Variants in CADM2 observed in about 807,000 individuals in gnomAD.
CADM2 encodes the protein cell adhesion molecule 2.
A neutral mutation model predicts 49.8 loss-of-function variants in CADM2; 12 were observed. The ratio of observed to expected loss-of-function variants is 0.24; its 90% CI spans 0.15 to 0.39. CADM2 has a LOEUF of 0.39. Ranked by LOEUF, CADM2 falls within the 10% of genes least tolerant of loss-of-function variation. The pLI, the probability that CADM2 is intolerant of heterozygous loss-of-function variation, is 1.00. For synonymous variants in CADM2, 214 were observed against 175.4 expected (o/e 1.22, Z -1.74); for missense variants, 378 against 492.3 (o/e 0.77, Z 2.20).
At chr3:85,709,128 CAT>C (rs757306728) in intron 1 of CADM2, among the ~76,000 whole-genome samples, 2 of 152,046 alleles carry the variant, frequency 1.3e-5, no homozygotes, top group Non-Finnish European at 2.9e-5. Context: ...TCTCTAAACA[CAT>C]GTTATAAACT....
chr3:85,158,034 A>G (rs1427416259), intron 1 of CADM2, among the ~76,000 whole-genome samples: 4 of 152,252 alleles, frequency 2.6e-5, no homozygotes, highest in African/African-American at 7.2e-5. Flanking sequence ...GGCGAAGGAC[A>G]TGAACAGACA....
intron 1 of CADM2, among the ~76,000 whole-genome samples, chr3:85,365,396 C>T (rs1043153337): frequency 4.6e-5 from 7 of 151,704 alleles, no homozygotes; most frequent in South Asian, 2.1e-4. Context: ...AACTATACTT[C>T]GGGCAAAATA....
intron 6 of CADM2, among the ~76,000 whole-genome samples, chr3:85,934,832 G>T (rs1004776043): frequency 6.6e-6 from 1 of 152,082 alleles, no homozygotes; most frequent in African/African-American, 2.4e-5. Flanking sequence ...GAAGGGAAGA[G>T]TGAGAATAAT....
chr3:85,652,772 C>CTTTTTTTTTTTTTTTTTTTT lies in CADM2; in HGVS notation c.62-73745_62-73726dup. On this transcript the variant is annotated intron_variant, in intron 1 of 9. Coordinates refer to ENST00000383699, the MANE Select transcript of CADM2 (RefSeq NM_001167675.2). ...TAACCTGAAAATCTTTTTTTCTTTT[C>CTTTTTTTTTTTTTTTTTTTT]TTTTTTTTTTTTTTTTTTTTTTTTA... Among the ~76,000 whole-genome samples the CTTTTTTTTTTTTTTTTTTTT allele has an allele frequency of 4.5e-3, 226 of 50,786 alleles. 57 individuals carry two copies. The highest frequency in any genetic ancestry group is 0.028 in the Middle Eastern group (1 of 36). The allele number at this position is 50,786 out of a possible 152,430, so 33.3% of individuals were successfully genotyped here. A position where few individuals can be genotyped will look rare whatever the true frequency, so the allele number is the denominator to read the frequency against.
chr3:85,943,536 T>A (rs1364548142), intron 7 of CADM2, among the ~76,000 whole-genome samples: 1 of 151,524 alleles, frequency 6.6e-6, no homozygotes, highest in Non-Finnish European at 1.5e-5. Context: ...AGGGATCCAG[T>A]TTCAGCTTTC....
intron 1 of CADM2, among the ~76,000 whole-genome samples, chr3:85,592,376 C>T (rs76450530): frequency 0.021 from 3,260 of 151,978 alleles, 144 homozygotes; most frequent in South Asian, 0.1. Flanking sequence ...ACAGTTGACC[C>T]ATTTAATGGT....
At chr3:85,060,671 C>T (rs369302399) in intron 1 of CADM2, among the ~76,000 whole-genome samples, 1 of 152,048 alleles carries the variant, frequency 6.6e-6, no homozygotes, top group Non-Finnish European at 1.5e-5. Context: ...TTGAATATTA[C>T]ATGATAGCTA....
intron 3 of CADM2, among the ~76,000 whole-genome samples, chr3:85,809,135 A>G (rs2072646627): frequency 2.6e-5 from 4 of 152,234 alleles, no homozygotes; most frequent in African/African-American, 9.6e-5. Context: ...ATGATAGCTT[A>G]TAGTTATACA....
intron 8 of CADM2, among the ~76,000 whole-genome samples, chr3:86,002,137 T>A (rs1420764456): frequency 1.3e-5 from 2 of 152,088 alleles, no homozygotes; most frequent in Non-Finnish European, 2.9e-5. Context: ...GGATTATTAA[T>A]CACTAATTAT....
intron 3 of CADM2, among the ~76,000 whole-genome samples, chr3:85,813,159 CCCA>C: frequency 6.6e-6 from 1 of 152,164 alleles, no homozygotes; most frequent in Non-Finnish European, 1.5e-5. Context: ...AATTTACCCT[CCCA>C]CCAACAGTGT....
At chr3:85,133,963 G>C (rs936369887) in intron 1 of CADM2, among the ~76,000 whole-genome samples, 5 of 152,214 alleles carry the variant, frequency 3.3e-5, no homozygotes, top group African/African-American at 1.2e-4. Flanking sequence ...GGAGGGGATG[G>C]GAGGCTCAGG....
chr3:85,581,855 T>A (rs1410694761), intron 1 of CADM2, among the ~76,000 whole-genome samples: 1 of 152,178 alleles, frequency 6.6e-6, no homozygotes, highest in Non-Finnish European at 1.5e-5. Context: ...CTGAAGGTTT[T>A]AAATATATAA....
At chr3:85,845,376 C>T (rs73845699) in intron 3 of CADM2, among the ~76,000 whole-genome samples, 1 of 152,066 alleles carries the variant, frequency 6.6e-6, no homozygotes, top group East Asian at 1.9e-4. Context: ...GGTCTCCCTC[C>T]GGAGACCACT....
rs189962956 is a variant in CADM2, at chr3:85,276,412, A to G, written c.61+316744A>G. ...AATCACAACATGGATTAAATAACTT[A>G]TATTACATCCTTGCTATTCACTATT... On this transcript the variant is annotated intron_variant, in intron 1 of 9. Transcript: ENST00000383699. 1.1e-4 allele frequency among the ~76,000 whole-genome samples: 17 copies of G among 151,502 alleles called. No individual in the cohort carries two copies. The East Asian group carries it at 3.3e-3, about 29-fold the overall frequency.
chr3:84,991,508 A>T (rs544113354), intron 1 of CADM2, among the ~76,000 whole-genome samples: 23 of 152,308 alleles, frequency 1.5e-4, no homozygotes, highest in African/African-American at 5.5e-4. Flanking sequence ...CTAGGAAAAA[A>T]ACTAATAGTC....
At chr3:85,302,143 C>G (rs1408347981) in intron 1 of CADM2, among the ~76,000 whole-genome samples, 2 of 151,992 alleles carry the variant, frequency 1.3e-5, no homozygotes, top group Non-Finnish European at 2.9e-5. Context: ...TATTTTGCCT[C>G]TATGTTCCAA....
At chr3:85,321,343 A>G (rs2044608014) in intron 1 of CADM2, among the ~76,000 whole-genome samples, 1 of 149,672 alleles carries the variant, frequency 6.7e-6, no homozygotes, top group Non-Finnish European at 1.5e-5. Flanking sequence ...TAATTTATTC[A>G]TTTATTTATT....
intron 1 of CADM2, among the ~76,000 whole-genome samples, chr3:85,093,122 CAT>C (rs1381117978): frequency 6.6e-6 from 1 of 152,178 alleles, no homozygotes; most frequent in African/African-American, 2.4e-5. Flanking sequence ...GCATTCCTAA[CAT>C]ATAAATCATC....
chr3:85,618,600 T>C (rs2063869352), intron 1 of CADM2, among the ~76,000 whole-genome samples: 1 of 152,176 alleles, frequency 6.6e-6, no homozygotes, highest in African/African-American at 2.4e-5. Context: ...GTCCAAAGGC[T>C]TGGCTCACCT....
Sources: allele counts gnomAD v4.1 joint callset (sites outside exome capture counted in the v4.1 genomes callset), GRCh38; gene constraint gnomAD v4.1.1; transcripts MANE v1.5; gene names NCBI Gene and HGNC (gene_info 2026-07-23, HGNC 2026-07-21).